Variants in MIB1 observed in about 807,000 individuals in gnomAD.
MIB1 encodes the protein E3 ubiquitin-protein ligase MIB1.
In MIB1, 278 loss-of-function variants were observed where a neutral mutation model predicts 124.5. The observed-to-expected ratio is 2.23, with a 90% CI of 2.02 to 2.47. The LOEUF (loss-of-function observed/expected upper bound fraction) is 2.47. Among genes scored for constraint, MIB1 ranks in the 30% most tolerant of loss-of-function variants. The probability of loss-of-function intolerance (pLI) is 0.00; values close to 1 mark genes in which losing one functional copy is unlikely to be tolerated. For missense variants in MIB1, 957 were observed against 1,254.4 expected (o/e 0.76, Z 3.58); for synonymous variants, 446 against 429.4 (o/e 1.04, Z -0.48).
Position 21,796,021 on chromosome 18 carries a change from G to T in MIB1, c.1093-2063G>T, listed in dbSNP as rs549577241. On this transcript the variant is annotated intron_variant, in intron 7 of 20. Transcript: ENST00000261537. The stretch of plus-strand genomic sequence containing the variant: ...AGTCTTGAATTTGAATGAAAAGAGT[G>T]TTTGAATGTATGATTTATGCTTCTT... Among the ~76,000 whole-genome samples the T allele has an allele frequency of 3.9e-4, 59 of 152,274 alleles. 1 individual carries two copies. In the South Asian group the frequency reaches 0.012, roughly 30 times the overall value.
intron 12 of MIB1, chr18:21,827,236 T>C (rs1200667041): frequency 1.3e-5 from 2 of 152,142 alleles, no homozygotes; most frequent in African/African-American, 4.8e-5. Flanking sequence ...ACAGCTGATC[T>C]AAGTGATAGA....
chr18:21,800,454 A>G (rs1345401831), intron 9 of MIB1, among the ~76,000 whole-genome samples: 2 of 152,154 alleles, frequency 1.3e-5, no homozygotes, highest in African/African-American at 4.8e-5. Flanking sequence ...TTTATAAGGC[A>G]GATGAATTAA....
At chr18:21,736,152 C>T (rs556827700), upstream of MIB1, among the ~76,000 whole-genome samples, 278 of 152,306 alleles carry the variant, frequency 1.8e-3, 5 homozygotes, top group African/African-American at 6.3e-3. Flanking sequence ...GGCAGGTGCC[C>T]CTCTGGGATG....
intron 20 of MIB1, among the ~76,000 whole-genome samples, chr18:21,862,731 G>A (rs1047282484): frequency 2.6e-5 from 4 of 152,208 alleles, no homozygotes; most frequent in Admixed American, 1.3e-4. Context: ...ATCCCGCTGA[G>A]CCTCGTTTTC....
chr18:21,765,835 G>A lies in MIB1; in HGVS notation c.293G>A (p.Trp98Ter), dbSNP rs1377877643. 4 of 1,614,046 alleles carry A rather than the reference G, an allele frequency of 2.5e-6. No homozygotes were observed. The highest frequency in any genetic ancestry group is 1.3e-5 in the African/African-American group (1 of 74,932). Residue 98 changes from tryptophan (W) to a stop codon, truncating the protein, a stop_gained, in exon 2 of 21, where the codon TGG (tryptophan) becomes TAG (stop). Transcript: ENST00000261537. LOFTEE classifies it high-confidence loss of function. ...CAGCAACCAATCATTGGCATTCGAT[G>A]GAAGTGTGCAGAGTGTACAAATTAT... Reference protein sequence around the residue: ...CRQQPIIGIRWKCAECTNYDL... With the variant: ...CRQQPIIGIR
chr18:21,840,546 T>C (rs543044202), intron 13 of MIB1, among the ~76,000 whole-genome samples: 2 of 151,410 alleles, frequency 1.3e-5, no homozygotes, highest in Non-Finnish European at 1.5e-5. Context: ...CCCAGCACTT[T>C]AGGAGGCTGA....
chr18:21,814,120 C>T (rs79192113), intron 10 of MIB1, among the ~76,000 whole-genome samples: 2,171 of 152,146 alleles, frequency 0.014, 159 homozygotes, highest in Admixed American at 0.12. Context: ...TTGGTCTTTC[C>T]TGCCTTCTCA....
At chr18:21,709,651 G>C (rs1019709946) in intron 1 of MIB1, among the ~76,000 whole-genome samples, 1 of 152,150 alleles carries the variant, frequency 6.6e-6, no homozygotes, top group Non-Finnish European at 1.5e-5. Context: ...CAGTGTCTGT[G>C]GGGGGACATG....
rs768184981 is a variant in MIB1, at chr18:21,741,637, A to G, written c.54A>G (p.Val18=). ...TGGTGGAAGGGGTTGGCGCTCGGGT[A>G]GTGCGCGGCCCGGACTGGAAGTGGG... ...RVMVEGVGAR[V]VRGPDWKWGK... Residue 18 remains valine, a synonymous_variant, in exon 1 of 21, where the codon GTA becomes GTG. Transcript: ENST00000261537. The surrounding 1 kb of genome is among the most constrained non-coding windows in gnomAD (Gnocchi z 5.4). 1 of 1,608,910 alleles carries G rather than the reference A, an allele frequency of 6.2e-7. No individual in the cohort carries two copies. The highest frequency in any genetic ancestry group is 8.5e-7 in the Non-Finnish European group (1 of 1,178,454).
Position 21,815,665 on chromosome 18 carries a change from G to A in MIB1, c.1529G>A (p.Gly510Asp). The part of the protein sequence containing the change: ...AVHHAAFGDE[G>D]AVIEVLHRGS... ...CACCATGCAGCTTTTGGAGATGAAGGCGCTGTTATAGAAGTACTACATCGA... is the reference window on the plus strand; with the variant it reads ...CACCATGCAGCTTTTGGAGATGAAGACGCTGTTATAGAAGTACTACATCGA... The change falls in exon 11 of 21, where the codon GGC becomes GAC. Residue 510 changes from glycine (G) to aspartate (D), a missense_variant. Coordinates refer to ENST00000261537, the MANE Select transcript of MIB1 (RefSeq NM_020774.4). 1 of 1,614,130 alleles carries A rather than the reference G, an allele frequency of 6.2e-7. No homozygotes were observed. Among genetic ancestry groups the A allele is most frequent in the Non-Finnish European group, 8.5e-7 (1 of 1,180,020 alleles).
chr18:21,732,914 A>G (rs2040778832), intron 1 of MIB1, among the ~76,000 whole-genome samples: 1 of 152,222 alleles, frequency 6.6e-6, no homozygotes, highest in Admixed American at 6.5e-5. Flanking sequence ...ACACTCTTGT[A>G]ATAAGCAGAT....
rs1487794854 is a variant in MIB1, at chr18:21,865,888, T to C, written c.*1222T>C. The C allele has an allele frequency of 1.9e-5, 2 of 107,098 alleles. No homozygotes were observed. The highest frequency in any genetic ancestry group is 6.8e-5 in the African/African-American group (2 of 29,314). The allele number at this position is 107,098 out of a possible 1,614,324, so 6.6% of individuals were successfully genotyped here. On this transcript the variant is annotated 3_prime_UTR_variant, in exon 21 of 21. Transcript: ENST00000261537. ...TGACCAGGACATGTATAGAAATGTC[T>C]GCTTACCTGTAGACTTTAAAAACAA...
intron 1 of MIB1, among the ~76,000 whole-genome samples, chr18:21,718,551 T>G (rs1401576605): frequency 6.6e-6 from 1 of 152,234 alleles, no homozygotes; most frequent in African/African-American, 2.4e-5. Context: ...GTCATCTGAC[T>G]GCAAACACAC....
At chr18:21,794,069 A>C (rs2041544714) in intron 7 of MIB1, 1 of 152,202 alleles carries the variant, frequency 6.6e-6, no homozygotes, top group Non-Finnish European at 1.5e-5. Context: ...AAAACAGAGC[A>C]GGTCAAAACT....
At chr18:21,863,607 T>TCA in intron 20 of MIB1, among the ~76,000 whole-genome samples, 1 of 152,062 alleles carries the variant, frequency 6.6e-6, no homozygotes, top group Non-Finnish European at 1.5e-5. Context: ...CTCTACTACC[T>TCA]GGGTCTGGAG....
Position 21,844,167 on chromosome 18 carries a change from C to T in MIB1, c.2125C>T (p.His709Tyr). 1 of 1,614,048 alleles carries T rather than the reference C, an allele frequency of 6.2e-7. No homozygotes were observed. The highest frequency in any genetic ancestry group is 2.2e-5 in the East Asian group (1 of 44,876). Reference protein sequence around the residue: ...GDTPLHEALRHHTLSQLRQLQ... With the variant: ...GDTPLHEALRYHTLSQLRQLQ... Reference sequence around the variant, plus strand: ...TACTCCTTTGCATGAAGCTCTAAGGCATCACACTTTGTCTCAGCTACGTCA... The same window carrying T: ...TACTCCTTTGCATGAAGCTCTAAGGTATCACACTTTGTCTCAGCTACGTCA... The change falls in exon 15 of 21, where the codon CAT becomes TAT. Residue 709 changes from histidine to tyrosine, a missense_variant. By Grantham distance (83) the His-to-Tyr change is moderately conservative. Coordinates refer to ENST00000261537, the MANE Select transcript of MIB1 (RefSeq NM_020774.4).
intron 12 of MIB1, among the ~76,000 whole-genome samples, chr18:21,833,731 T>G (rs1014056738): frequency 4.6e-5 from 7 of 152,206 alleles, no homozygotes; most frequent in African/African-American, 1.7e-4. Flanking sequence ...CCCCTCTGCT[T>G]CTTTATAACT....
intron 2 of MIB1, 97 bp downstream of exon 2, chr18:21,766,040 G>T: frequency 5.0e-6 from 6 of 1,198,472 alleles, no homozygotes; most frequent in Non-Finnish European, 7.3e-6. Flanking sequence ...AATAGCTTCT[G>T]ACAGTTGGTT....
At chr18:21,820,626 T>A (rs970766826) in intron 12 of MIB1, among the ~76,000 whole-genome samples, 1 of 152,210 alleles carries the variant, frequency 6.6e-6, no homozygotes, top group African/African-American at 2.4e-5. Context: ...GATTTTGGCA[T>A]TGTGAAGAAG....
Sources: gnomAD v4.1 joint callset for allele counts (sites outside exome capture counted in the v4.1 genomes callset) on GRCh38, gnomAD v4.1.1 for gene constraint, Gnocchi (gnomAD v3.1) non-coding constraint, MANE v1.5 for transcripts, NCBI Gene and HGNC (gene_info 2026-07-23, HGNC 2026-07-21) for gene names.